Variants in VWA8 observed in about 807,000 individuals in gnomAD.
The protein encoded by VWA8 is von Willebrand factor A domain-containing protein 8.
VWA8 carries 221 observed loss-of-function variants against 241.5 expected under a neutral mutation model. The ratio of observed to expected loss-of-function variants is 0.91; its 90% CI spans 0.82 to 1.02. The LOEUF (loss-of-function observed/expected upper bound fraction) is 1.02. Ranked by LOEUF, VWA8 falls within the 50% of genes least tolerant of loss-of-function variation. The pLI is 0.00. For synonymous variants in VWA8, 852 were observed against 827.1 expected, an observed-to-expected ratio of 1.03 and a Z score of -0.52; for missense variants, 2,322 against 2,328.7, an observed-to-expected ratio of 1.00 and a Z score of 0.06.
chr13:41,767,916 T>C (rs1312487733), intron 20 of VWA8, among the ~76,000 whole-genome samples: 6 of 152,220 alleles, frequency 3.9e-5, no homozygotes, highest in Non-Finnish European at 8.8e-5. Context: ...AGGAACAAAA[T>C]ACAGATTCAA....
At chr13:41,573,486 A>AAAAAAATAAATATATATATATATATAT in intron 43 of VWA8, among the ~76,000 whole-genome samples, 17 of 113,596 alleles carry the variant, frequency 1.5e-4, no homozygotes, top group African/African-American at 3.1e-4. Flanking sequence ...AAAAAAAAAA[A>AAAAAAATAAATATATATATATATATAT]ATATATATAT....
At chr13:41,911,342 G>A (rs972816496) in intron 3 of VWA8, among the ~76,000 whole-genome samples, 5 of 152,150 alleles carry the variant, frequency 3.3e-5, no homozygotes, top group African/African-American at 1.2e-4. Flanking sequence ...GGGATTACAG[G>A]TGTGAGCCAC....
chr13:41,612,326 C>T (rs1030315760), intron 38 of VWA8, among the ~76,000 whole-genome samples: 2 of 152,218 alleles, frequency 1.3e-5, no homozygotes, highest in Non-Finnish European at 2.9e-5. Context: ...CCAATTATTA[C>T]ACCAACTTTG....
chr13:41,908,010 G>C (rs1211384017), intron 3 of VWA8, among the ~76,000 whole-genome samples: 1 of 152,064 alleles, frequency 6.6e-6, no homozygotes, highest in Non-Finnish European at 1.5e-5. Flanking sequence ...GCAATAATTT[G>C]ACAGTATTAC....
At chr13:41,934,632 T>A (rs932702823) in intron 2 of VWA8, among the ~76,000 whole-genome samples, 1 of 152,080 alleles carries the variant, frequency 6.6e-6, no homozygotes, top group Non-Finnish European at 1.5e-5. Flanking sequence ...AAAATCATTA[T>A]GCTGAGTGAT....
intron 12 of VWA8, among the ~76,000 whole-genome samples, chr13:41,845,776 A>T (rs570333480): frequency 5.7e-4 from 87 of 152,282 alleles, no homozygotes; most frequent in African/African-American, 1.6e-3. Flanking sequence ...TGGGATCTAA[A>T]CATTGAGTAC....
At chr13:41,637,329 C>T (rs1234214706) in intron 37 of VWA8, among the ~76,000 whole-genome samples, 7 of 147,116 alleles carry the variant, frequency 4.8e-5, no homozygotes, top group Admixed American at 6.9e-5. Context: ...AACCAAACAC[C>T]GCATGTTCTC....
At chr13:41,590,248 G>C (rs2044445304) in intron 41 of VWA8, among the ~76,000 whole-genome samples, 1 of 152,102 alleles carries the variant, frequency 6.6e-6, no homozygotes, top group African/African-American at 2.4e-5. Context: ...ACCTTCTCCA[G>C]GTTCCAGGAA....
chr13:41,727,730 T>C (rs12873915), intron 23 of VWA8, among the ~76,000 whole-genome samples: 12,572 of 152,222 alleles, frequency 0.083, 669 homozygotes, highest in Non-Finnish European at 0.12. Context: ...CCTCATCCTT[T>C]TGCATAGAGC....
At chr13:41,868,583 T>C in intron 9 of VWA8, 106 bp from the exon 10 acceptor site, 2 of 1,344,690 alleles carry the variant, frequency 1.5e-6, no homozygotes, top group Non-Finnish European at 2.0e-6. Flanking sequence ...TTTTATATTA[T>C]TATATAAAAG....
chr13:41,635,994 T>C (rs1405939058), intron 37 of VWA8, among the ~76,000 whole-genome samples: 4 of 152,158 alleles, frequency 2.6e-5, no homozygotes, highest in African/African-American at 7.2e-5. Context: ...TACATATTCA[T>C]TGAGGTTTAT....
chr13:41,791,416 G>GT (rs979351117), intron 17 of VWA8, among the ~76,000 whole-genome samples: 3 of 151,686 alleles, frequency 2.0e-5, no homozygotes, highest in African/African-American at 7.3e-5. Flanking sequence ...TTGTTTTTCA[G>GT]TTTTTTTAAT....
chr13:41,881,152 A>G (rs1874151556), intron 9 of VWA8, among the ~76,000 whole-genome samples: 2 of 151,966 alleles, frequency 1.3e-5, no homozygotes, highest in African/African-American at 4.8e-5. Flanking sequence ...TTTATGCTCA[A>G]ATTGTCCCAG....
intron 37 of VWA8, among the ~76,000 whole-genome samples, chr13:41,637,582 A>T (rs181319694): frequency 6.4e-4 from 98 of 151,950 alleles, no homozygotes; most frequent in Middle Eastern, 3.4e-3. Flanking sequence ...GAAATAAAAA[A>T]AAATAAATAA....
chr13:41,755,625 G>T (rs60811851), intron 21 of VWA8, among the ~76,000 whole-genome samples: 4,994 of 151,774 alleles, frequency 0.033, 259 homozygotes, highest in African/African-American at 0.11. Flanking sequence ...TGGATCATTT[G>T]TTATTTTGTA....
chr13:41,587,829 C>G (rs2044429385), intron 41 of VWA8, among the ~76,000 whole-genome samples, 159 bp from the exon 42 acceptor site: 1 of 152,198 alleles, frequency 6.6e-6, no homozygotes, highest in Non-Finnish European at 1.5e-5. Flanking sequence ...GGTAGCAAGG[C>G]ATCTATGGGT....
chr13:41,570,888 T>C (rs1301007624), intron 43 of VWA8, among the ~76,000 whole-genome samples, 182 bp from the exon 44 acceptor site: 1 of 152,246 alleles, frequency 6.6e-6, no homozygotes, highest in Non-Finnish European at 1.5e-5. Flanking sequence ...GTGATATTTG[T>C]TATCTGGCAT....
intron 13 of VWA8, among the ~76,000 whole-genome samples, chr13:41,831,941 T>G (rs534788609): frequency 6.2e-4 from 89 of 142,512 alleles, no homozygotes; most frequent in African/African-American, 2.1e-3. Context: ...TTTTTTTTTC[T>G]TTTTTTTTGA....
In VWA8 at chr13:41,674,660, T is replaced by C. The variant is rs17534026; in HGVS notation, c.4409+555A>G. ...ACAGATCAAGCTTTATTGTTTCTGT[T>C]TTTAAATCCTCAGTTTACCTAGTTT... On this transcript the variant is annotated intron_variant, in intron 36 of 44. Transcript: ENST00000379310. Among the ~76,000 whole-genome samples the C allele has an allele frequency of 6.1e-3, 926 of 152,242 alleles. 4 individuals are homozygous for C. Among genetic ancestry groups the C allele is most frequent in the Middle Eastern group, 0.01 (3 of 294 alleles).
Sources: allele counts gnomAD v4.1 joint callset (sites outside exome capture counted in the v4.1 genomes callset), GRCh38; gene constraint gnomAD v4.1.1; transcripts MANE v1.5; gene names NCBI Gene and HGNC (gene_info 2026-07-23, HGNC 2026-07-21).